GALNTL6: variants seen among roughly 807,000 people sequenced by gnomAD.
GALNTL6 encodes the protein polypeptide N-acetylgalactosaminyltransferase like 6.
A neutral mutation model predicts 73.7 loss-of-function variants in GALNTL6; 46 were observed. That is an observed-to-expected ratio of 0.62 (90% confidence interval 0.49 to 0.80). The LOEUF is 0.80. Ranked by LOEUF, GALNTL6 falls within the 30% of genes least tolerant of loss-of-function variation. GALNTL6 has a pLI of 0.00. For synonymous variants in GALNTL6, 259 were observed against 263.7 expected (o/e 0.98, Z 0.17); for missense variants, 604 against 755.0 (o/e 0.80, Z 2.34).
At chr4:172,621,362 C>T (rs1239476952) in intron 5 of GALNTL6, among the ~76,000 whole-genome samples, 1 of 152,146 alleles carries the variant, frequency 6.6e-6, no homozygotes, top group East Asian at 1.9e-4. Context: ...CCCTATTTTA[C>T]CACTGTTTCT....
At chr4:172,634,448 A>C (rs549480615) in intron 5 of GALNTL6, among the ~76,000 whole-genome samples, 1 of 151,998 alleles carries the variant, frequency 6.6e-6, no homozygotes, top group South Asian at 2.1e-4. Context: ...GCTGGAGCTA[A>C]GCAGCTCTGG....
At chr4:172,987,531 G>T (rs1342275195) in intron 10 of GALNTL6, among the ~76,000 whole-genome samples, 1 of 152,078 alleles carries the variant, frequency 6.6e-6, no homozygotes, top group Non-Finnish European at 1.5e-5. Context: ...AATTATACTT[G>T]GCCCAATTAT....
rs1443308495 is a variant in GALNTL6, at chr4:172,242,010, G to A, written c.247+12246G>A. Among the ~76,000 whole-genome samples the A allele has an allele frequency of 1.6e-4, 25 of 152,200 alleles. No homozygotes were observed. The East Asian group carries it at 4.6e-3, about 28-fold the overall frequency. On this transcript the variant is annotated intron_variant, in intron 3 of 12. Coordinates refer to ENST00000506823, the MANE Select transcript of GALNTL6 (RefSeq NM_001034845.3). ...CCTTTAATACAGTATAAAAGAGAAT[G>A]TACATTTTGATATTGATTCATTATT... is the stretch of plus-strand genomic sequence containing the variant.
At chr4:172,549,684 C>T (rs1443387264) in intron 5 of GALNTL6, among the ~76,000 whole-genome samples, 1 of 151,922 alleles carries the variant, frequency 6.6e-6, no homozygotes, top group Non-Finnish European at 1.5e-5. Flanking sequence ...TGCACACAAG[C>T]TAGTTCTGAG....
chr4:172,041,117 C>T (rs959469296), intron 2 of GALNTL6, among the ~76,000 whole-genome samples: 1 of 151,942 alleles, frequency 6.6e-6, no homozygotes. Flanking sequence ...TAATCACAGC[C>T]ATCTCATAAT....
intron 8 of GALNTL6, among the ~76,000 whole-genome samples, chr4:172,888,949 G>T (rs1467602308): frequency 1.3e-5 from 2 of 151,206 alleles, no homozygotes; most frequent in Non-Finnish European, 2.9e-5. Flanking sequence ...TCAGTGTTTT[G>T]TAGTTCTTCT....
intron 5 of GALNTL6, among the ~76,000 whole-genome samples, chr4:172,541,118 T>C (rs772146908): frequency 1.1e-4 from 17 of 152,246 alleles, no homozygotes; most frequent in Non-Finnish European, 2.4e-4. Flanking sequence ...CTTTTGATGC[T>C]ATACCAGTCA....
intron 2 of GALNTL6, among the ~76,000 whole-genome samples, chr4:172,226,559 G>C (rs1200995007): frequency 2.4e-4 from 12 of 50,458 alleles, no homozygotes; most frequent in African/African-American, 8.6e-4. Context: ...AAGAAGTTCT[G>C]TGTGTGTGTG....
intron 2 of GALNTL6, among the ~76,000 whole-genome samples, chr4:172,036,747 T>C (rs920759352): frequency 7.2e-5 from 11 of 152,142 alleles, no homozygotes; most frequent in African/African-American, 2.7e-4. Context: ...GATGTTAAAC[T>C]ACATTGAGAA....
chr4:172,402,889 C>A (rs186480653), intron 5 of GALNTL6, among the ~76,000 whole-genome samples: 1 of 152,146 alleles, frequency 6.6e-6, no homozygotes, highest in Non-Finnish European at 1.5e-5. Flanking sequence ...ATCAGCACAT[C>A]TTGCAAAGTA....
chr4:172,298,095 A>G (rs1251591012), intron 3 of GALNTL6, among the ~76,000 whole-genome samples: 1 of 151,978 alleles, frequency 6.6e-6, no homozygotes, highest in Non-Finnish European at 1.5e-5. Context: ...ATTCCTAGGT[A>G]TTTTATTCCC....
chr4:172,796,786 C>T (rs996455972), intron 5 of GALNTL6, among the ~76,000 whole-genome samples: 18 of 148,750 alleles, frequency 1.2e-4, no homozygotes, highest in African/African-American at 3.8e-4. Context: ...TTATTAAGAA[C>T]GGGGAGTTTC....
chr4:172,918,181 T>C (rs1747622393), intron 8 of GALNTL6, among the ~76,000 whole-genome samples: 1 of 152,044 alleles, frequency 6.6e-6, no homozygotes, highest in Non-Finnish European at 1.5e-5. Flanking sequence ...TAAGTGGGAA[T>C]TGAACAATGA....
chr4:172,947,865 C>T (rs1369621899), intron 9 of GALNTL6, among the ~76,000 whole-genome samples: 1 of 152,112 alleles, frequency 6.6e-6, no homozygotes, highest in East Asian at 1.9e-4. Context: ...TATGATTTTC[C>T]TATTTCCTGG....
chr4:172,832,548 A>G (rs1742694288), intron 7 of GALNTL6, among the ~76,000 whole-genome samples: 1 of 152,192 alleles, frequency 6.6e-6, no homozygotes, highest in South Asian at 2.1e-4. Flanking sequence ...AAGATGTGTG[A>G]CTAGGCAGGC....
intron 3 of GALNTL6, among the ~76,000 whole-genome samples, chr4:172,280,639 A>G (rs548916088): frequency 1.9e-4 from 29 of 152,158 alleles, no homozygotes; most frequent in African/African-American, 6.5e-4. Flanking sequence ...AAGTTTTTGC[A>G]TCATTAGATC....
At chr4:172,382,265 A>G (rs1743311709) in intron 5 of GALNTL6, among the ~76,000 whole-genome samples, 1 of 151,416 alleles carries the variant, frequency 6.6e-6, no homozygotes, top group Non-Finnish European at 1.5e-5. Context: ...CACCACGCCC[A>G]GCCAATATTG....
At chr4:171,964,634 T>C (rs933502715) in intron 2 of GALNTL6, among the ~76,000 whole-genome samples, 1 of 152,202 alleles carries the variant, frequency 6.6e-6, no homozygotes, top group Non-Finnish European at 1.5e-5. Flanking sequence ...ATGATTATAT[T>C]GTATTTTCTT....
intron 5 of GALNTL6, among the ~76,000 whole-genome samples, chr4:172,588,036 A>C (rs940871603): frequency 6.6e-5 from 10 of 152,146 alleles, no homozygotes; most frequent in Admixed American, 1.3e-4. Context: ...TAACAGACCA[A>C]CTAAGGAACT....
Sources: allele counts gnomAD v4.1 joint callset (sites outside exome capture counted in the v4.1 genomes callset), GRCh38; gene constraint gnomAD v4.1.1; transcripts MANE v1.5; gene names NCBI Gene and HGNC (gene_info 2026-07-23, HGNC 2026-07-21).